Variants in KATNAL1 observed in about 807,000 individuals in gnomAD.
KATNAL1 encodes katanin p60 ATPase-containing subunit A-like 1.
In KATNAL1, 32 loss-of-function variants were observed where a neutral mutation model predicts 55.2. The observed-to-expected ratio is 0.58, with a 90% CI of 0.44 to 0.78. KATNAL1 has a LOEUF of 0.78. Among genes scored for constraint, KATNAL1 ranks in the 30% least tolerant of loss-of-function variants. The probability of loss-of-function intolerance (pLI) is 0.00; values close to 1 mark genes in which losing one functional copy is unlikely to be tolerated. For synonymous variants in KATNAL1, 193 were observed against 193.6 expected, an observed-to-expected ratio of 1.00 and a Z score of 0.02; for missense variants, 466 against 600.9, an observed-to-expected ratio of 0.78 and a Z score of 2.35.
At chr13:30,225,647 T>TACAC (rs57630828) in intron 9 of KATNAL1, among the ~76,000 whole-genome samples, 1,834 of 146,750 alleles carry the variant, frequency 0.012, 27 homozygotes, top group East Asian at 0.075. Flanking sequence ...ATGACTCATC[T>TACAC]ACACACACAC....
chr13:30,240,226 C>T (rs1877127236), intron 6 of KATNAL1, among the ~76,000 whole-genome samples: 1 of 152,110 alleles, frequency 6.6e-6, no homozygotes, highest in Non-Finnish European at 1.5e-5. Context: ...GCTCAGCATC[C>T]CTGAGTGAAG....
At chr13:30,212,963 C>T (rs1250770218) in intron 9 of KATNAL1, among the ~76,000 whole-genome samples, 2 of 152,008 alleles carry the variant, frequency 1.3e-5, no homozygotes, top group African/African-American at 2.4e-5. Flanking sequence ...TAAGAAGAAG[C>T]GGTTAGGACA....
At chr13:30,249,058 C>A (rs1156347953) in intron 4 of KATNAL1, among the ~76,000 whole-genome samples, 37 of 140,784 alleles carry the variant, frequency 2.6e-4, no homozygotes, top group African/African-American at 2.4e-4. Flanking sequence ...GACTCCGTCT[C>A]AAAAAAAAAA....
chr13:30,217,080 G>C (rs867212605), intron 9 of KATNAL1, among the ~76,000 whole-genome samples: 1 of 152,116 alleles, frequency 6.6e-6, no homozygotes, highest in Non-Finnish European at 1.5e-5. Context: ...TTGGTGGCGG[G>C]GGGGTGGGGA....
intron 4 of KATNAL1, among the ~76,000 whole-genome samples, chr13:30,244,337 A>G (rs1310173141): frequency 6.6e-6 from 1 of 152,142 alleles, no homozygotes; most frequent in Admixed American, 6.6e-5. Flanking sequence ...ACTGATGGGC[A>G]TTTGGGTTGG....
chr13:30,270,869 C>A (rs1407402428), intron 3 of KATNAL1, among the ~76,000 whole-genome samples: 2 of 150,452 alleles, frequency 1.3e-5, no homozygotes, highest in Non-Finnish European at 3.0e-5. Context: ...TATGACCCTG[C>A]CAAATCCCCC....
chr13:30,298,873 A>C (rs922177733), intron 1 of KATNAL1, among the ~76,000 whole-genome samples: 1 of 152,170 alleles, frequency 6.6e-6, no homozygotes, highest in Non-Finnish European at 1.5e-5. Context: ...TATGTCTATT[A>C]TGAATTCCAG....
intron 9 of KATNAL1, among the ~76,000 whole-genome samples, chr13:30,222,641 A>C (rs1874996840): frequency 7.1e-6 from 1 of 140,156 alleles, no homozygotes; most frequent in South Asian, 2.1e-4. Flanking sequence ...AAAATCCAAT[A>C]ATGGCATTAA....
At chr13:30,270,815 T>C (rs1880289265) in intron 3 of KATNAL1, among the ~76,000 whole-genome samples, 1 of 150,904 alleles carries the variant, frequency 6.6e-6, no homozygotes, top group South Asian at 2.1e-4. Context: ...ACCAGAGACC[T>C]TTGTTCACTT....
rs1279478671 is a variant in KATNAL1 at position 30,304,286 on chromosome 13, C to T, written c.-15+3045G>A. ...CACAACTCTTTTTTTTTTTTTTTTTCCTGACACGGAGTCTCGCTCTGTCAC... is the reference window on the plus strand; with the variant it reads ...CACAACTCTTTTTTTTTTTTTTTTTTCTGACACGGAGTCTCGCTCTGTCAC... On this transcript the variant is annotated intron_variant, in intron 1 of 10. Coordinates refer to ENST00000380615, the MANE Select transcript of KATNAL1 (RefSeq NM_032116.5). Among the ~76,000 whole-genome samples the T allele has an allele frequency of 2.5e-3, 328 of 129,908 alleles. 2 individuals carry two copies. Among genetic ancestry groups the T allele is most frequent in the African/African-American group, 8.5e-3 (294 of 34,536 alleles). The allele number at this position is 129,908 out of a possible 152,430, so 85.2% of individuals were successfully genotyped here.
chr13:30,300,884 CA>C (rs894619423), intron 1 of KATNAL1, among the ~76,000 whole-genome samples: 30 of 150,446 alleles, frequency 2.0e-4, no homozygotes, highest in Non-Finnish European at 2.7e-4. Flanking sequence ...ATTTTAGAAA[CA>C]AAAAAAAACT....
intron 3 of KATNAL1, among the ~76,000 whole-genome samples, chr13:30,274,424 A>G (rs1341529501): frequency 6.7e-6 from 1 of 148,168 alleles, no homozygotes; most frequent in Non-Finnish European, 1.5e-5. Flanking sequence ...GAATAGCACT[A>G]ATTTGATCTT....
At chr13:30,228,785 C>A (rs980891973) in intron 8 of KATNAL1, among the ~76,000 whole-genome samples, 5 of 151,274 alleles carry the variant, frequency 3.3e-5, no homozygotes, top group African/African-American at 1.2e-4. Flanking sequence ...CAGGTTCTTG[C>A]CCTGTTGCCC....
intron 6 of KATNAL1, among the ~76,000 whole-genome samples, chr13:30,237,765 C>T (rs895102727): frequency 6.6e-6 from 1 of 152,122 alleles, no homozygotes; most frequent in Non-Finnish European, 1.5e-5. Context: ...CCAGAAGCAC[C>T]CCCTGCTCCT....
At chr13:30,281,655 T>C (rs1024632384) in intron 2 of KATNAL1, 1 of 152,184 alleles carries the variant, frequency 6.6e-6, no homozygotes, top group Non-Finnish European at 1.5e-5. Context: ...ATGGAAAAAT[T>C]AGAAGAAACA....
In KATNAL1 at chr13:30,209,448, G is replaced by C. The variant is rs562487552; in HGVS notation, c.1275-710C>G. On this transcript the variant is annotated intron_variant, in intron 10 of 10. Transcript: ENST00000380615. ...TATGCCACTAAACTTGGATGCACAT[G>C]GGAAAAATGCGAGCAGAAAAGGTGA... Among the ~76,000 whole-genome samples, 80 of 152,282 alleles carry C rather than the reference G, an allele frequency of 5.3e-4. 1 individual carries two copies. Among genetic ancestry groups the C allele is most frequent in the Admixed American group, 8.5e-4 (13 of 15,306 alleles).
At chr13:30,235,704 A>T (rs933307666) in intron 6 of KATNAL1, among the ~76,000 whole-genome samples, 3 of 152,194 alleles carry the variant, frequency 2.0e-5, no homozygotes, top group African/African-American at 7.2e-5. Flanking sequence ...TCGCCCTGTA[A>T]GTTTCTCCTT....
chr13:30,231,578 A>G (rs1876103271), intron 6 of KATNAL1, 106 bp from the exon 7 acceptor site: 2 of 663,834 alleles, frequency 3.0e-6, no homozygotes, highest in African/African-American at 3.8e-5. Context: ...CAAAAGATAA[A>G]CTCAAAATTG....
intron 3 of KATNAL1, among the ~76,000 whole-genome samples, chr13:30,265,741 T>C (rs1593913373): frequency 6.6e-6 from 1 of 151,032 alleles, no homozygotes. Context: ...CCAGGCGTGG[T>C]GGCTCACACC....
Sources: allele counts gnomAD v4.1 joint callset (sites outside exome capture counted in the v4.1 genomes callset), GRCh38; gene constraint gnomAD v4.1.1; transcripts MANE v1.5; gene names NCBI Gene and HGNC (gene_info 2026-07-23, HGNC 2026-07-21).